Variants in SND1 observed in about 807,000 individuals in gnomAD.
SND1 encodes staphylococcal nuclease domain-containing protein 1.
SND1 carries 38 observed loss-of-function variants against 121.7 expected under a neutral mutation model. That is an observed-to-expected ratio of 0.31 (90% CI 0.24 to 0.41). The LOEUF is 0.41. SND1 is among the 10% of genes least tolerant of loss of function. SND1 has a pLI of 1.00. For synonymous variants in SND1, 401 were observed against 447.4 expected (o/e 0.90, Z 1.31); for missense variants, 868 against 1,184.6 (o/e 0.73, Z 3.92).
chr7:127,796,202 G>T (rs150547788), intron 10 of SND1, among the ~76,000 whole-genome samples: 1 of 151,892 alleles, frequency 6.6e-6, no homozygotes, highest in Non-Finnish European at 1.5e-5. Context: ...TAGCCAGAAG[G>T]TTGAGGAACA....
rs1793665738 is a variant in SND1 at position 128,085,050 on chromosome 7, A to G, written c.2234+203A>G. On this transcript the variant is annotated intron_variant, in intron 19 of 23. Transcript: ENST00000354725. This position sits in a 1 kb window ranked among gnomAD's most constrained non-coding sequence, Gnocchi z 4.4. ...CTGTGCACCCCTGCAGTCCAGCCAG[A>G]CAGAAGTGGCTCCTTCCTTGTCTCC... Among the ~76,000 whole-genome samples the G allele has an allele frequency of 6.6e-6, 1 of 152,132 alleles. No individual in the cohort carries two copies. Among genetic ancestry groups the G allele is most frequent in the African/African-American group, 2.4e-5 (1 of 41,436 alleles).
intron 12 of SND1, among the ~76,000 whole-genome samples, chr7:127,856,317 G>A (rs1200145861): frequency 6.6e-6 from 1 of 152,184 alleles, no homozygotes; most frequent in Non-Finnish European, 1.5e-5. Flanking sequence ...TATCTGAGGT[G>A]ATGAAAAGGC....
intron 15 of SND1, among the ~76,000 whole-genome samples, chr7:127,953,190 G>GTGTGTGTGTGTGTGTGTGTT (rs1801504895): frequency 7.3e-6 from 1 of 137,568 alleles, no homozygotes; most frequent in South Asian, 2.3e-4. Flanking sequence ...GTGTGTGTGT[G>GTGTGTGTGTGTGTGTGTGTT]TGTGTGTGTG....
intron 10 of SND1, among the ~76,000 whole-genome samples, chr7:127,781,065 G>A (rs1797711226): frequency 6.6e-6 from 1 of 152,102 alleles, no homozygotes; most frequent in Non-Finnish European, 1.5e-5. Flanking sequence ...CAGATATATG[G>A]GAACATATTT....
At chr7:128,078,064 G>A (rs2117055198) in intron 17 of SND1, among the ~76,000 whole-genome samples, 1 of 152,346 alleles carries the variant, frequency 6.6e-6, no homozygotes, top group East Asian at 1.9e-4. Flanking sequence ...GCTGGGTCTG[G>A]CAGGTGTCTT....
intron 14 of SND1, among the ~76,000 whole-genome samples, chr7:127,922,664 C>T (rs1277715704): frequency 6.6e-6 from 1 of 152,154 alleles, no homozygotes; most frequent in African/African-American, 2.4e-5. Flanking sequence ...CACTACTTTG[C>T]CCTGTGGCTT....
chr7:127,670,319 T>C lies in SND1; in HGVS notation c.79-16294T>C, dbSNP rs1287768343. Among the ~76,000 whole-genome samples the C allele has an allele frequency of 2.0e-5, 3 of 151,996 alleles. No homozygotes were observed. In the East Asian group the frequency reaches 5.8e-4, roughly 30 times the overall value. On this transcript the variant is annotated intron_variant, in intron 1 of 23. Coordinates refer to ENST00000354725, the MANE Select transcript of SND1 (RefSeq NM_014390.4). ...TTAATTTTTTTTTTTAAGATGCCTG[T>C]GTTGCCCAGCCTGATCTTGAACTCC...
intron 15 of SND1, among the ~76,000 whole-genome samples, chr7:127,962,137 G>A (rs998146508): frequency 2.6e-5 from 4 of 152,162 alleles, no homozygotes; most frequent in African/African-American, 7.2e-5. Context: ...TAAAGCTGAG[G>A]AACTCTTTGT....
At chr7:127,930,751 A>G (rs1174021566) in intron 15 of SND1, among the ~76,000 whole-genome samples, 1 of 152,190 alleles carries the variant, frequency 6.6e-6, no homozygotes, top group African/African-American at 2.4e-5. Flanking sequence ...CAAGGTTTCT[A>G]TACCCATGAA....
At chr7:128,046,406 C>T (rs138030991) in intron 16 of SND1, among the ~76,000 whole-genome samples, 55 of 141,136 alleles carry the variant, frequency 3.9e-4, no homozygotes, top group African/African-American at 1.2e-3. Context: ...CACTCCGTCA[C>T]GCAGGCCAGA....
At chr7:127,662,704 C>T (rs1388614231) in intron 1 of SND1, among the ~76,000 whole-genome samples, 1 of 151,958 alleles carries the variant, frequency 6.6e-6, no homozygotes, top group East Asian at 1.9e-4. Context: ...TAAGACTATT[C>T]CTGAAAGCCA....
chr7:127,815,366 T>C (rs1455564942), intron 11 of SND1, among the ~76,000 whole-genome samples: 2 of 152,170 alleles, frequency 1.3e-5, no homozygotes, highest in African/African-American at 4.8e-5. Context: ...GGACTGCACC[T>C]GTAGTCCCAG....
At chr7:127,660,709 C>T (rs1296227835) in intron 1 of SND1, among the ~76,000 whole-genome samples, 1 of 152,136 alleles carries the variant, frequency 6.6e-6, no homozygotes, top group Non-Finnish European at 1.5e-5. Context: ...GATGTTCAAC[C>T]TGTATAGGAA....
At chr7:127,998,842 A>C (rs1447701390) in intron 16 of SND1, 1 of 152,292 alleles carries the variant, frequency 6.6e-6, no homozygotes, top group Non-Finnish European at 1.5e-5. Context: ...CTGAGTCTCC[A>C]GTCACTGGTG....
intron 10 of SND1, among the ~76,000 whole-genome samples, chr7:127,722,499 T>A (rs796160024): frequency 1.5e-4 from 23 of 152,158 alleles, no homozygotes; most frequent in African/African-American, 4.8e-4. Flanking sequence ...ACCTTTTTTT[T>A]ATTTATGCCT....
chr7:127,656,324 C>CTTT (rs1163685188), intron 1 of SND1, among the ~76,000 whole-genome samples: 2 of 137,374 alleles, frequency 1.5e-5, no homozygotes, highest in South Asian at 2.4e-4. Context: ...TTCTTTCTTT[C>CTTT]TTTTTTTTTT....
intron 10 of SND1, among the ~76,000 whole-genome samples, chr7:127,794,455 T>G (rs1038268386): frequency 6.6e-6 from 1 of 152,234 alleles, no homozygotes; most frequent in Non-Finnish European, 1.5e-5. Context: ...TTATTTTCCC[T>G]TCTGTGTTCT....
intron 11 of SND1, among the ~76,000 whole-genome samples, chr7:127,827,251 C>T (rs1029397167): frequency 6.6e-6 from 1 of 151,874 alleles, no homozygotes; most frequent in Admixed American, 6.6e-5. Context: ...TTAATTTATC[C>T]CTTAAAAGCT....
At chr7:127,870,117 T>A (rs1018337094) in intron 12 of SND1, among the ~76,000 whole-genome samples, 1 of 152,174 alleles carries the variant, frequency 6.6e-6, no homozygotes, top group Non-Finnish European at 1.5e-5. Context: ...TGGGTCTCAG[T>A]TTAGCCACCT....
Sources: gnomAD v4.1 joint callset for allele counts (sites outside exome capture counted in the v4.1 genomes callset) on GRCh38, gnomAD v4.1.1 for gene constraint, Gnocchi (gnomAD v3.1) non-coding constraint, MANE v1.5 for transcripts, NCBI Gene and HGNC (gene_info 2026-07-23, HGNC 2026-07-21) for gene names.